The following PGM2 variants were observed in gnomAD, a reference collection of about 807,000 sequenced individuals.
The protein encoded by PGM2 is phosphoglucomutase 2.
PGM2 carries 57 observed loss-of-function variants against 74.6 expected under a neutral mutation model. That is an observed-to-expected ratio of 0.76 (90% CI 0.62 to 0.95). The LOEUF (loss-of-function observed/expected upper bound fraction) is 0.95, where lower values mean the gene tolerates loss of function less well. PGM2 is among the 40% of genes least tolerant of loss of function. The pLI, the probability that PGM2 is intolerant of heterozygous loss-of-function variation, is 0.00. For synonymous variants in PGM2, 273 were observed against 260.7 expected (o/e 1.05, Z -0.46); for missense variants, 706 against 741.9 (o/e 0.95, Z 0.56).
intron 6 of PGM2, among the ~76,000 whole-genome samples, chr4:37,842,203 A>G (rs1577677020): frequency 7.7e-6 from 1 of 129,604 alleles, no homozygotes; most frequent in South Asian, 2.3e-4. Flanking sequence ...CATATACTAT[A>G]TATATAAAAT....
intron 2 of PGM2, among the ~76,000 whole-genome samples, chr4:37,833,825 A>G (rs1021378314): frequency 6.6e-6 from 1 of 152,180 alleles, no homozygotes; most frequent in African/African-American, 2.4e-5. Context: ...GTTTTACAGA[A>G]GAGGAAACTA....
chr4:37,856,566 C>T (rs978785401), intron 13 of PGM2, among the ~76,000 whole-genome samples: 2 of 145,810 alleles, frequency 1.4e-5, no homozygotes, highest in Admixed American at 1.4e-4. Flanking sequence ...GTTTCTGTGA[C>T]CTCAAAAAAG....
chr4:37,842,137 T>G (rs1290838150), intron 6 of PGM2, among the ~76,000 whole-genome samples: 1 of 149,908 alleles, frequency 6.7e-6, no homozygotes, highest in East Asian at 1.9e-4. Context: ...TTTATATTTA[T>G]AAACATCTTT....
chr4:37,831,662 A>G (rs911328869), intron 2 of PGM2, among the ~76,000 whole-genome samples: 2 of 152,200 alleles, frequency 1.3e-5, no homozygotes, highest in Admixed American at 6.5e-5. Context: ...TGAAGTATCC[A>G]GAGAGGGAGA....
rs940153653 is a variant in PGM2, at chr4:37,840,214, T to C, written c.674T>C (p.Ile225Thr). 6.2e-7 allele frequency: 1 copy of C among 1,612,922 alleles called. No homozygotes were observed. Among genetic ancestry groups the C allele is most frequent in the Non-Finnish European group, 8.5e-7 (1 of 1,178,864 alleles). Residue 225 changes from isoleucine to threonine, a missense_variant, in exon 6 of 14, where the codon ATC becomes ACC. Transcript: ENST00000381967. ...SPLLHNPSASINNDYFEDLKK... is the reference protein window; with the variant it reads ...SPLLHNPSASTNNDYFEDLKK... ...CTTCTCCACAATCCGAGTGCTTCCA[T>C]CAATAATGACTACTTTGAAGACCTT...
intron 1 of PGM2, among the ~76,000 whole-genome samples, chr4:37,827,731 A>G (rs574704369): frequency 6.6e-6 from 1 of 152,278 alleles, no homozygotes; most frequent in Admixed American, 6.5e-5. Context: ...ACTTGTTTGT[A>G]GGTTTGTTTA....
intron 12 of PGM2, among the ~76,000 whole-genome samples, chr4:37,855,088 T>A (rs748844442): frequency 3.3e-5 from 5 of 152,208 alleles, no homozygotes; most frequent in Non-Finnish European, 7.3e-5. Flanking sequence ...CAATGCATCA[T>A]TATTAACTAT....
rs1323170239 is a variant in PGM2 at position 37,829,959 on chromosome 4, T to C, written c.82-5T>C. 2 of 1,577,940 alleles carry C rather than the reference T, an allele frequency of 1.3e-6. No individual in the cohort carries two copies. Among genetic ancestry groups the C allele is most frequent in the Non-Finnish European group, 1.7e-6 (2 of 1,165,192 alleles). ...TGGCTGTGTCTATACATTTTTGTTT[T>C]TCAGAATTCCTTAACTTTGGAGGCA... is the stretch of plus-strand genomic sequence containing the variant. On this transcript the variant is annotated splice_polypyrimidine_tract_variant and splice_region_variant and intron_variant, in intron 1 of 13. Coordinates refer to ENST00000381967, the MANE Select transcript of PGM2 (RefSeq NM_018290.4).
At chr4:37,845,811 G>A in intron 8 of PGM2, 81 bp downstream of exon 8, 1 of 888,548 alleles carries the variant, frequency 1.1e-6, no homozygotes, top group South Asian at 1.4e-5. Context: ...TGGGGAGACG[G>A]GACCTATTTG....
chr4:37,855,989 G>A (rs1726182811), intron 13 of PGM2, among the ~76,000 whole-genome samples: 1 of 152,140 alleles, frequency 6.6e-6, no homozygotes, highest in African/African-American at 2.4e-5. Flanking sequence ...TTTCAGTATA[G>A]TAGTAAAAGT....
At chr4:37,856,388 A>T (rs1300414175) in intron 13 of PGM2, among the ~76,000 whole-genome samples, 9 of 152,216 alleles carry the variant, frequency 5.9e-5, no homozygotes, top group East Asian at 3.9e-4. Flanking sequence ...CCATCTCAAA[A>T]AAATAAATAA....
intron 11 of PGM2, 98 bp downstream of exon 11, chr4:37,848,749 T>G (rs1207882875): frequency 5.3e-6 from 5 of 940,624 alleles, no homozygotes; most frequent in Non-Finnish European, 8.1e-6. Flanking sequence ...AATGCTCTTA[T>G]TTTGGTGATG....
At chr4:37,835,266 A>G (rs1372257568) in intron 3 of PGM2, among the ~76,000 whole-genome samples, 2 of 152,238 alleles carry the variant, frequency 1.3e-5, no homozygotes, top group African/African-American at 4.8e-5. Flanking sequence ...CCCTGAGATT[A>G]TAATGTGAAA....
At chr4:37,855,397 A>G (rs1726165847) in intron 12 of PGM2, among the ~76,000 whole-genome samples, 1 of 152,244 alleles carries the variant, frequency 6.6e-6, no homozygotes, top group African/African-American at 2.4e-5. Context: ...TTAAGGCTGA[A>G]TAGTATTCCA....
Position 37,844,467 on chromosome 4 carries a change from C to T in PGM2, c.823C>T (p.Pro275Ser). The change falls in exon 7 of 14, where the codon CCT (proline) becomes TCT (serine). Residue 275 changes from proline to serine, a missense_variant. Transcript: ENST00000381967. ...TTTCAAGGCTTTTGACCTTGTTCCT[C>T]CTGAGGCTGTTCCTGAACAGAAAGA... ...SAFKAFDLVP[P>S]EAVPEQKDPD... 2 of 1,613,548 alleles carry T rather than the reference C, an allele frequency of 1.2e-6. No individual in the cohort carries two copies. Among genetic ancestry groups the T allele is most frequent in the Non-Finnish European group, 8.5e-7 (1 of 1,179,480 alleles).
At chr4:37,841,826 G>C (rs1400082745) in intron 6 of PGM2, among the ~76,000 whole-genome samples, 1 of 152,256 alleles carries the variant, frequency 6.6e-6, no homozygotes, top group African/African-American at 2.4e-5. Context: ...GAGTATGTGT[G>C]TGGGTGTGTG....
At chr4:37,845,881 T>C in intron 8 of PGM2, 151 bp downstream of exon 8, 1 of 609,098 alleles carries the variant, frequency 1.6e-6, no homozygotes, top group Non-Finnish European at 2.9e-6. Context: ...TAGAGTCTTC[T>C]AATGGAGAGC....
intron 6 of PGM2, 84 bp from the exon 7 acceptor site, chr4:37,844,280 T>A: frequency 1.3e-6 from 1 of 770,860 alleles, no homozygotes; most frequent in South Asian, 1.9e-5. Flanking sequence ...GATGTTCAGT[T>A]GTCTTGTGCA....
intron 3 of PGM2, among the ~76,000 whole-genome samples, chr4:37,836,359 A>G (rs1419256075): frequency 6.6e-6 from 1 of 152,234 alleles, no homozygotes; most frequent in Non-Finnish European, 1.5e-5. Flanking sequence ...AACACATGGT[A>G]AAATATTCAT....
Sources: allele counts gnomAD v4.1 joint callset (sites outside exome capture counted in the v4.1 genomes callset), GRCh38; gene constraint gnomAD v4.1.1; transcripts MANE v1.5; gene names NCBI Gene and HGNC (gene_info 2026-07-23, HGNC 2026-07-21).